The following MUSK variants were observed in gnomAD, a reference collection of about 807,000 sequenced individuals.
MUSK encodes muscle, skeletal receptor tyrosine-protein kinase.
A neutral mutation model predicts 88.7 loss-of-function variants in MUSK; 55 were observed. That is an observed-to-expected ratio of 0.62 (90% CI 0.50 to 0.78). The LOEUF (loss-of-function observed/expected upper bound fraction) is 0.78. Ranked by LOEUF, MUSK falls within the 30% of genes least tolerant of loss-of-function variation. The probability of loss-of-function intolerance (pLI) is 0.00; values close to 1 mark genes in which losing one functional copy is unlikely to be tolerated. For synonymous variants in MUSK, 387 were observed against 391.9 expected (o/e 0.99, Z 0.15); for missense variants, 1,015 against 1,074.3 (o/e 0.94, Z 0.77).
intron 5 of MUSK, among the ~76,000 whole-genome samples, chr9:110,722,047 G>A (rs1173168927): frequency 6.6e-6 from 1 of 152,094 alleles, no homozygotes; most frequent in Non-Finnish European, 1.5e-5. Context: ...ACATGTAGAA[G>A]AATGAAACTG....
intron 14 of MUSK, among the ~76,000 whole-genome samples, chr9:110,791,329 T>A (rs541396311): frequency 7.6e-6 from 1 of 131,956 alleles, no homozygotes; most frequent in Non-Finnish European, 1.6e-5. Flanking sequence ...GTTCCCTTTC[T>A]GAGTCAAAGA....
intron 1 of MUSK, among the ~76,000 whole-genome samples, chr9:110,673,550 G>C (rs376230917): frequency 4.6e-5 from 7 of 152,246 alleles, no homozygotes; most frequent in Admixed American, 4.6e-4. Context: ...TTATGGGAAG[G>C]TGTTAACTTA....
At chr9:110,750,623 C>A (rs2077236401) in intron 7 of MUSK, among the ~76,000 whole-genome samples, 1 of 152,192 alleles carries the variant, frequency 6.6e-6, no homozygotes, top group East Asian at 1.9e-4. Flanking sequence ...TCCTTCAGTA[C>A]TCCTCACAGG....
intron 11 of MUSK, among the ~76,000 whole-genome samples, chr9:110,779,064 G>A (rs1016883992): frequency 6.6e-6 from 1 of 151,344 alleles, no homozygotes; most frequent in Admixed American, 6.6e-5. Context: ...GTCTCTGTGT[G>A]TGTGTGTGTG....
At chr9:110,701,745 TTTTA>T (rs2076517764) in intron 5 of MUSK, among the ~76,000 whole-genome samples, 1 of 26 alleles carries the variant, frequency 0.038, no homozygotes, top group Non-Finnish European at 0.062. Context: ...TTTTATTTTA[TTTTA>T]TTTTATTTTA....
intron 5 of MUSK, among the ~76,000 whole-genome samples, chr9:110,711,008 CA>C: frequency 6.6e-6 from 1 of 152,000 alleles, no homozygotes. Context: ...GACAAAAAAC[CA>C]AACACCGCAT....
chr9:110,755,073 T>C lies in MUSK; in HGVS notation c.914-7129T>C, dbSNP rs1219124625. Among the ~76,000 whole-genome samples, 3 of 152,212 alleles carry C rather than the reference T, an allele frequency of 2.0e-5. No homozygotes were observed. The East Asian group carries it at 5.8e-4, about 29-fold the overall frequency. ...TTTCAGAATGTAAATAGATATAACA[T>C]TTATAATGATTTTCCTATTGTCCAG... On this transcript the variant is annotated intron_variant, in intron 7 of 14. Coordinates refer to ENST00000374448, the MANE Select transcript of MUSK (RefSeq NM_005592.4).
chr9:110,739,590 C>A (rs1027602986), intron 6 of MUSK, among the ~76,000 whole-genome samples: 3 of 152,146 alleles, frequency 2.0e-5, no homozygotes, highest in African/African-American at 7.2e-5. Context: ...ATTCTTATTA[C>A]ACAGGATATT....
intron 2 of MUSK, among the ~76,000 whole-genome samples, chr9:110,684,350 T>A (rs1186157559): frequency 6.6e-6 from 1 of 152,118 alleles, no homozygotes; most frequent in African/African-American, 2.4e-5. Flanking sequence ...TCTATGTGTC[T>A]CTTTTGATGA....
chr9:110,767,778 A>G (rs936153070), intron 8 of MUSK, 42 bp from the exon 9 acceptor site: 3 of 1,612,526 alleles, frequency 1.9e-6, no homozygotes, highest in African/African-American at 1.3e-5. Context: ...GAATGCCAAG[A>G]AATAGCATGT....
At chr9:110,689,453 A>C (rs866238482) in intron 3 of MUSK, among the ~76,000 whole-genome samples, 2 of 110,514 alleles carry the variant, frequency 1.8e-5, no homozygotes, top group Admixed American at 2.2e-4. Flanking sequence ...TATGTAAAAA[A>C]TACATATTTA....
intron 8 of MUSK, among the ~76,000 whole-genome samples, chr9:110,766,754 A>G (rs2077491187): frequency 6.6e-6 from 1 of 152,228 alleles, no homozygotes; most frequent in Non-Finnish European, 1.5e-5. Context: ...ACTAAATTCG[A>G]TAGTTGTACA....
chr9:110,784,594 A>C (rs2077820311), intron 11 of MUSK, among the ~76,000 whole-genome samples: 1 of 152,114 alleles, frequency 6.6e-6, no homozygotes, highest in Admixed American at 6.6e-5. Flanking sequence ...GAAAAAAAAA[A>C]CCTATTTCCT....
At chr9:110,749,076 T>A (rs1239112014) in intron 7 of MUSK, among the ~76,000 whole-genome samples, 2 of 152,172 alleles carry the variant, frequency 1.3e-5, no homozygotes, top group East Asian at 3.8e-4. Context: ...ATAATATAAA[T>A]AGTAATAAGA....
intron 7 of MUSK, 64 bp from the exon 8 acceptor site, chr9:110,762,138 A>G (rs565104827): frequency 2.0e-5 from 26 of 1,273,650 alleles, no homozygotes; most frequent in Non-Finnish European, 2.7e-5. Context: ...ATGAAAATGT[A>G]CTAACGTTCT....
At chr9:110,730,697 T>C (rs1434041566) in intron 5 of MUSK, among the ~76,000 whole-genome samples, 1 of 152,120 alleles carries the variant, frequency 6.6e-6, no homozygotes, top group Non-Finnish European at 1.5e-5. Context: ...TTGAAAAACA[T>C]GTCAAAATTT....
intron 8 of MUSK, among the ~76,000 whole-genome samples, chr9:110,763,535 A>G (rs1360206080): frequency 6.6e-6 from 1 of 152,242 alleles, no homozygotes; most frequent in Non-Finnish European, 1.5e-5. Context: ...CAAAGACACT[A>G]GACGCGAAAG....
At chr9:110,742,032 TTTACCTCTC>T (rs1405151304) in intron 6 of MUSK, among the ~76,000 whole-genome samples, 1 of 152,228 alleles carries the variant, frequency 6.6e-6, no homozygotes, top group Non-Finnish European at 1.5e-5. Context: ...GTGCCTGTTC[TTTACCTCTC>T]TAAGAACGTT....
At chr9:110,762,134 A>G in intron 7 of MUSK, 68 bp from the exon 8 acceptor site, 2 of 1,252,728 alleles carry the variant, frequency 1.6e-6, no homozygotes, top group Non-Finnish European at 2.1e-6. Flanking sequence ...TAAGATGAAA[A>G]TGTACTAACG....
Sources: gnomAD v4.1 joint callset for allele counts (sites outside exome capture counted in the v4.1 genomes callset) on GRCh38, gnomAD v4.1.1 for gene constraint, MANE v1.5 for transcripts, NCBI Gene and HGNC (gene_info 2026-07-23, HGNC 2026-07-21) for gene names.